Variants in CDH18 observed in about 807,000 individuals in gnomAD.
CDH18 encodes cadherin 18, also known as cadherin-18.
CDH18 carries 31 observed loss-of-function variants against 67.9 expected under a neutral mutation model. The observed-to-expected ratio is 0.46, with a 90% CI of 0.34 to 0.62. The LOEUF (loss-of-function observed/expected upper bound fraction) is 0.62. Among genes scored for constraint, CDH18 ranks in the 20% least tolerant of loss-of-function variants. The pLI is 0.01. For missense variants in CDH18, 890 were observed against 975.5 expected (o/e 0.91, Z 1.17); for synonymous variants, 362 against 347.2 (o/e 1.04, Z -0.48).
chr5:20,061,048 A>G (rs1321837358), intron 2 of CDH18, among the ~76,000 whole-genome samples: 3 of 152,046 alleles, frequency 2.0e-5, no homozygotes, highest in African/African-American at 7.2e-5. Flanking sequence ...CACGCAAATA[A>G]TTCTGAGAAA....
chr5:20,247,458 T>A (rs1208398978), intron 2 of CDH18, among the ~76,000 whole-genome samples: 1 of 152,102 alleles, frequency 6.6e-6, no homozygotes. Flanking sequence ...ATGAAATTGG[T>A]ATTCTGTAAT....
chr5:20,136,202 T>A (rs909768442), intron 2 of CDH18, among the ~76,000 whole-genome samples: 1 of 152,202 alleles, frequency 6.6e-6, no homozygotes, highest in African/African-American at 2.4e-5. Flanking sequence ...TATTGAAGTC[T>A]CCCATTATTA....
chr5:20,210,996 A>C (rs1329917295), intron 2 of CDH18, among the ~76,000 whole-genome samples: 1 of 152,128 alleles, frequency 6.6e-6, no homozygotes, highest in East Asian at 1.9e-4. Context: ...CTTCATAAGC[A>C]CATTTTATTC....
At chr5:20,012,561 A>G in intron 2 of CDH18, among the ~76,000 whole-genome samples, 1 of 152,096 alleles carries the variant, frequency 6.6e-6, no homozygotes, top group Non-Finnish European at 1.5e-5. Context: ...GAGCTAACCA[A>G]GGAGGTGAAA....
intron 1 of CDH18, among the ~76,000 whole-genome samples, chr5:20,422,005 C>T (rs1013429854): frequency 4.0e-5 from 6 of 150,832 alleles, no homozygotes; most frequent in Non-Finnish European, 7.4e-5. Flanking sequence ...TTTTCGTGGA[C>T]AAGTTAATTA....
At chr5:19,737,294 A>G (rs536919474) in intron 4 of CDH18, among the ~76,000 whole-genome samples, 85 of 152,140 alleles carry the variant, frequency 5.6e-4, no homozygotes, top group African/African-American at 2.0e-3. Context: ...ACTATATCTG[A>G]TGCTATACTT....
intron 2 of CDH18, among the ~76,000 whole-genome samples, chr5:20,068,452 GA>G (rs1424518350): frequency 1.3e-5 from 2 of 152,006 alleles, no homozygotes; most frequent in African/African-American, 2.4e-5. Flanking sequence ...AAATGGCCAG[GA>G]AACTGGTGAA....
chr5:19,627,895 T>C (rs372666829), intron 5 of CDH18, among the ~76,000 whole-genome samples: 21 of 152,196 alleles, frequency 1.4e-4, no homozygotes, highest in African/African-American at 4.1e-4. Flanking sequence ...ATCAGAATGA[T>C]GATGATGGGC....
intron 1 of CDH18, among the ~76,000 whole-genome samples, chr5:20,327,657 CAAAG>C (rs1223377357): frequency 3.3e-5 from 5 of 151,902 alleles, no homozygotes; most frequent in Admixed American, 1.3e-4. Flanking sequence ...AATAATCAAA[CAAAG>C]AAGTTGAAGT....
rs529116483 is a variant in CDH18 at position 19,824,746 on chromosome 5, A to G, written c.228+14013T>C. 6.6e-5 allele frequency among the ~76,000 whole-genome samples: 10 copies of G among 151,742 alleles called. No homozygotes were observed. In the South Asian group the frequency reaches 1.5e-3, roughly 22 times the overall value. Reference sequence around the variant, plus strand: ...TGTGTGAACTCAGCCAAAGGACACAACCTTCTGTTGTCTTGGAAAACACCC... The same window carrying G: ...TGTGTGAACTCAGCCAAAGGACACAGCCTTCTGTTGTCTTGGAAAACACCC... On this transcript the variant is annotated intron_variant, in intron 3 of 12. Transcript: ENST00000382275.
chr5:19,654,727 C>T (rs1013472243), intron 5 of CDH18, among the ~76,000 whole-genome samples: 17 of 152,170 alleles, frequency 1.1e-4, no homozygotes, highest in Admixed American at 1.0e-3. Context: ...AATCAGATCA[C>T]ACAGACAAAC....
chr5:20,047,862 G>A (rs1017251451), intron 2 of CDH18, among the ~76,000 whole-genome samples: 15 of 151,596 alleles, frequency 9.9e-5, no homozygotes, highest in African/African-American at 3.6e-4. Context: ...TATTTTTTAA[G>A]CTTTCAGAAA....
At chr5:20,538,643 C>T (rs915553953) in intron 1 of CDH18, among the ~76,000 whole-genome samples, 3 of 152,100 alleles carry the variant, frequency 2.0e-5, no homozygotes, top group Non-Finnish European at 2.9e-5. Flanking sequence ...CATTAATCTC[C>T]ACCAGATTCT....
intron 4 of CDH18, among the ~76,000 whole-genome samples, chr5:19,745,564 G>T (rs1295456271): frequency 1.3e-5 from 2 of 152,292 alleles, no homozygotes; most frequent in South Asian, 2.1e-4. Flanking sequence ...GTGGCAGAGA[G>T]AATTCTGTCC....
rs148187981 is a variant in CDH18, at chr5:19,528,503, T to C, written c.1391-7725A>G. ...GTAAAATAATTAATAAAAATAATGA[T>C]ATATATATTTTAAATGTTTGTATAA... On this transcript the variant is annotated intron_variant, in intron 9 of 12. Transcript: ENST00000382275. 3.2e-3 allele frequency among the ~76,000 whole-genome samples: 482 copies of C among 151,728 alleles called. 2 individuals are homozygous for C. The highest frequency in any genetic ancestry group is 5.4e-3 in the Non-Finnish European group (367 of 67,720).
chr5:20,130,659 G>C (rs1030838882), intron 2 of CDH18, among the ~76,000 whole-genome samples: 10 of 151,776 alleles, frequency 6.6e-5, no homozygotes, highest in Admixed American at 6.6e-4. Context: ...GTTTTGAGTC[G>C]GCAGGCCTAT....
At chr5:20,345,373 C>G (rs907924247) in intron 1 of CDH18, among the ~76,000 whole-genome samples, 3 of 152,282 alleles carry the variant, frequency 2.0e-5, no homozygotes, top group Non-Finnish European at 4.4e-5. Flanking sequence ...GGATTATTTA[C>G]TTCCCTAAGC....
At chr5:19,878,468 T>C (rs1320940418) in intron 2 of CDH18, among the ~76,000 whole-genome samples, 2 of 152,148 alleles carry the variant, frequency 1.3e-5, no homozygotes, top group African/African-American at 2.4e-5. Context: ...TGGTTCCATC[T>C]AGAGAAGAAA....
intron 3 of CDH18, among the ~76,000 whole-genome samples, chr5:19,792,739 G>T (rs563569668): frequency 1.3e-5 from 2 of 151,900 alleles, no homozygotes; most frequent in Non-Finnish European, 2.9e-5. Context: ...TTAAACAACT[G>T]CAAAAAGCAT....
Sources: allele counts gnomAD v4.1 joint callset (sites outside exome capture counted in the v4.1 genomes callset), GRCh38; gene constraint gnomAD v4.1.1; transcripts MANE v1.5; gene names NCBI Gene and HGNC (gene_info 2026-07-23, HGNC 2026-07-21).